Variants in TRAP1 observed in about 807,000 individuals in gnomAD.
The protein encoded by TRAP1 is TNF receptor associated protein 1.
TRAP1 carries 102 observed loss-of-function variants against 89.1 expected under a neutral mutation model. That is an observed-to-expected ratio of 1.15 (90% CI 0.98 to 1.35). The LOEUF is 1.35. Among genes scored for constraint, TRAP1 ranks in the 40% most tolerant of loss-of-function variants. The pLI is 0.00. For synonymous variants in TRAP1, 508 were observed against 388.0 expected (o/e 1.31, Z -3.64); for missense variants, 1,256 against 945.3 (o/e 1.33, Z -4.31).
chr16:3,691,176 A>G (rs2051209461), intron 1 of TRAP1, 191 bp from the exon 2 acceptor site: 1 of 462,982 alleles, frequency 2.2e-6, no homozygotes, highest in Non-Finnish European at 3.8e-6. Flanking sequence ...GCCCTCACAG[A>G]TGTCATCAGT....
At chr16:3,692,790 G>T (rs1463397604) in intron 1 of TRAP1, among the ~76,000 whole-genome samples, 3 of 150,812 alleles carry the variant, frequency 2.0e-5, no homozygotes, top group Non-Finnish European at 4.4e-5. Context: ...GTAGAGACAG[G>T]GTTTCACCAT....
chr16:3,698,981 T>G (rs2051328624), intron 1 of TRAP1, among the ~76,000 whole-genome samples: 1 of 152,218 alleles, frequency 6.6e-6, no homozygotes, highest in Non-Finnish European at 1.5e-5. Context: ...AATTTCCGTC[T>G]TTGTGTTTCT....
intron 1 of TRAP1, among the ~76,000 whole-genome samples, chr16:3,694,964 A>G (rs2051266976): frequency 6.6e-6 from 1 of 152,194 alleles, no homozygotes; most frequent in Non-Finnish European, 1.5e-5. Flanking sequence ...CGCCTCTTCC[A>G]GCCTCTGCAG....
chr16:3,685,966 T>A, intron 4 of TRAP1, 30 bp downstream of exon 4: 1 of 1,605,858 alleles, frequency 6.2e-7, no homozygotes, highest in Non-Finnish European at 8.5e-7. Flanking sequence ...TGGCCGGGCC[T>A]GCCACACGCC....
rs558743317 is a variant in TRAP1, at chr16:3,671,752, C to T, written c.1205G>A (p.Arg402Gln). 8.1e-6 allele frequency: 13 copies of T among 1,613,064 alleles called. No homozygotes were observed. The highest frequency in any genetic ancestry group is 1.6e-4 in the Middle Eastern group (1 of 6,084). ...GAGTGCGCTCTCCTGCAGCAGCTCC[C>T]GGCTGAGGTTCAGGGGAATGTCCTC... ...DSEDIPLNLS[R>Q]ELLQESALIR... The change falls in exon 11 of 18, where the codon CGG (arginine) becomes CAG (glutamine). Residue 402 changes from arginine to glutamine, a missense_variant. Arg to Gln is a conservative substitution (Grantham distance 43). Transcript: ENST00000246957.
chr16:3,677,428 C>G, intron 6 of TRAP1, 70 bp downstream of exon 6: 1 of 1,600,336 alleles, frequency 6.2e-7, no homozygotes, highest in Admixed American at 1.7e-5. Context: ...GAGTCCATCC[C>G]TTTCCAAACT....
chr16:3,705,185 G>A (rs1021014830), intron 1 of TRAP1, among the ~76,000 whole-genome samples: 7 of 151,758 alleles, frequency 4.6e-5, no homozygotes, highest in Middle Eastern at 3.4e-3. Context: ...CTGCCTCAGC[G>A]TCCCGAGTAG....
chr16:3,694,377 T>C (rs1280781761), intron 1 of TRAP1, among the ~76,000 whole-genome samples: 1 of 151,862 alleles, frequency 6.6e-6, no homozygotes, highest in Non-Finnish European at 1.5e-5. Context: ...AGAGTCTCGC[T>C]CTGTCATCCA....
rs1337779977 is a variant in TRAP1, at chr16:3,697,656, T to A, written c.89-6671A>T. Among the ~76,000 whole-genome samples, 3 of 135,454 alleles carry A rather than the reference T, an allele frequency of 2.2e-5. No individual in the cohort carries two copies. The Admixed American group carries it at 2.2e-4, about 10-fold the overall frequency. The allele number at this position is 135,454 out of a possible 152,430, so 88.9% of individuals were successfully genotyped here. On this transcript the variant is annotated intron_variant, in intron 1 of 17. Transcript: ENST00000246957. ...TCCACCCTGGGCAACAGAGCAAGACTCTGTCTCAAAAAAAAAAAAAAAAGG... is the reference window on the plus strand; with the variant it reads ...TCCACCCTGGGCAACAGAGCAAGACACTGTCTCAAAAAAAAAAAAAAAAGG...
intron 1 of TRAP1, among the ~76,000 whole-genome samples, chr16:3,716,844 C>T (rs1369318883): frequency 2.6e-5 from 4 of 152,232 alleles, no homozygotes; most frequent in Non-Finnish European, 5.9e-5. Flanking sequence ...ATCGAGTCCA[C>T]CTGCTCTGGG....
intron 10 of TRAP1, among the ~76,000 whole-genome samples, chr16:3,672,345 C>CT (rs1480011498): frequency 6.6e-6 from 1 of 152,084 alleles, no homozygotes; most frequent in Non-Finnish European, 1.5e-5. Flanking sequence ...AAACAAAACT[C>CT]TATCAGGGAT....
Position 3,717,430 on chromosome 16 carries a change from CGGCCGCCAGCGCCGGCGCCCGCAGCAAA to C in TRAP1, c.51_78del (p.Leu18CysfsTer90). ...GCCAGGACGCCCTCACCTCCCGGCA[CGGCCGCCAGCGCCGGCGCCCGCAGCAAA>C]GGCCGCAGGCGGCGGCCCCACAGCA... On this transcript the variant is annotated frameshift_variant, in exon 1 of 18. Coordinates refer to ENST00000246957, the MANE Select transcript of TRAP1 (RefSeq NM_016292.3). LOFTEE classifies it high-confidence loss of function. 1 of 1,246,048 alleles carries C rather than the reference CGGCCGCCAGCGCCGGCGCCCGCAGCAAA, an allele frequency of 8.0e-7. No individual in the cohort carries two copies. The highest frequency in any genetic ancestry group is 1.0e-6 in the Non-Finnish European group (1 of 994,156). The allele number at this position is 1,246,048 out of a possible 1,614,324, so 77.2% of individuals were successfully genotyped here. A position where few individuals can be genotyped will look rare whatever the true frequency, so the allele number is the denominator to read the frequency against.
chr16:3,705,857 A>G (rs1248651869), intron 1 of TRAP1, among the ~76,000 whole-genome samples: 1 of 150,910 alleles, frequency 6.6e-6, no homozygotes, highest in Non-Finnish European at 1.5e-5. Context: ...TTTTATATAT[A>G]TATATATTTT....
At chr16:3,665,930 C>A (rs751448369) in intron 12 of TRAP1, 41 bp downstream of exon 12, 1 of 1,593,298 alleles carries the variant, frequency 6.3e-7, no homozygotes, top group East Asian at 2.3e-5. Context: ...GCCCCAGGGA[C>A]AAGGTGGCCC....
chr16:3,698,971 A>C (rs1405953888), intron 1 of TRAP1, among the ~76,000 whole-genome samples: 2 of 152,204 alleles, frequency 1.3e-5, no homozygotes, highest in African/African-American at 4.8e-5. Context: ...CTAGCTGTAC[A>C]ATTTCCGTCT....
intron 4 of TRAP1, among the ~76,000 whole-genome samples, chr16:3,682,902 C>T (rs967665396): frequency 2.0e-5 from 3 of 152,076 alleles, no homozygotes; most frequent in Non-Finnish European, 4.4e-5. Context: ...GGTGCGGTAG[C>T]TCATGCCTAT....
intron 3 of TRAP1, among the ~76,000 whole-genome samples, chr16:3,686,743 G>C (rs2051143866): frequency 6.6e-6 from 1 of 152,198 alleles, no homozygotes; most frequent in Admixed American, 6.5e-5. Context: ...GGCTGAAGCA[G>C]GTGGATCACT....
At position 3,658,460 on chromosome 16, in the gene TRAP1, G is replaced by C. The variant is rs1015291201; in HGVS notation, c.2014-230C>G. ...AAACAGAATTTGGCTGGGCACGGTG[G>C]CTCACGAGGTCAGGAGATTGAGACC... On this transcript the variant is annotated intron_variant, in intron 17 of 17. Coordinates refer to ENST00000246957, the MANE Select transcript of TRAP1 (RefSeq NM_016292.3). The C allele has an allele frequency of 6.9e-6, 4 of 582,982 alleles. No homozygotes were observed. The Admixed American group carries it at 9.1e-5, about 13-fold the overall frequency. The allele number at this position is 582,982 out of a possible 1,614,324, so 36.1% of individuals were successfully genotyped here. A position where few individuals can be genotyped will look rare whatever the true frequency, so the allele number is the denominator to read the frequency against.
intron 12 of TRAP1, 111 bp from the exon 13 acceptor site, chr16:3,664,570 G>A: frequency 8.2e-7 from 1 of 1,225,360 alleles, no homozygotes; most frequent in Non-Finnish European, 1.1e-6. Flanking sequence ...ACTCCAGGCT[G>A]GCCCTGACCC....
Sources: gnomAD v4.1 joint callset for allele counts (sites outside exome capture counted in the v4.1 genomes callset) on GRCh38, gnomAD v4.1.1 for gene constraint, MANE v1.5 for transcripts, NCBI Gene and HGNC (gene_info 2026-07-23, HGNC 2026-07-21) for gene names.